Variants in DLG2 observed in about 807,000 individuals in gnomAD.
DLG2 encodes disks large homolog 2.
In DLG2, 45 loss-of-function variants were observed where a neutral mutation model predicts 132.5. The observed-to-expected ratio is 0.34, with a 90% CI of 0.27 to 0.44. The LOEUF (loss-of-function observed/expected upper bound fraction) is 0.44, where lower values mean the gene tolerates loss of function less well. DLG2 is among the 20% of genes least tolerant of loss of function. DLG2 has a pLI of 1.00. For synonymous variants in DLG2, 424 were observed against 419.6 expected (o/e 1.01, Z -0.13); for missense variants, 1,045 against 1,196.9 (o/e 0.87, Z 1.87).
At chr11:84,028,622 TA>T (rs2095605955) in intron 11 of DLG2, among the ~76,000 whole-genome samples, 1 of 152,102 alleles carries the variant, frequency 6.6e-6, no homozygotes, top group Non-Finnish European at 1.5e-5. Flanking sequence ...TGAAGCCATA[TA>T]ATTTAAATGT....
chr11:84,590,764 T>C (rs2099540839), intron 6 of DLG2, among the ~76,000 whole-genome samples: 1 of 152,148 alleles, frequency 6.6e-6, no homozygotes, highest in African/African-American at 2.4e-5. Flanking sequence ...TAGCTGTGAA[T>C]AATGCAGAAG....
intron 18 of DLG2, among the ~76,000 whole-genome samples, chr11:83,713,078 T>C (rs1176302252): frequency 6.6e-6 from 1 of 152,172 alleles, no homozygotes; most frequent in African/African-American, 2.4e-5. Flanking sequence ...ATGAATACAC[T>C]AGGCAGATTA....
intron 9 of DLG2, among the ~76,000 whole-genome samples, chr11:84,116,937 C>T (rs181987776): frequency 5.9e-5 from 9 of 152,272 alleles, no homozygotes; most frequent in East Asian, 3.9e-4. Context: ...TGCTTTCCAA[C>T]GCCTATTTCT....
intron 2 of DLG2, among the ~76,000 whole-genome samples, chr11:85,600,374 C>CTTG (rs2080069093): frequency 6.6e-6 from 1 of 152,198 alleles, no homozygotes; most frequent in African/African-American, 2.4e-5. Context: ...TTGTCACACT[C>CTTG]TTGAAAACAC....
chr11:85,411,716 G>T (rs1280632071), intron 3 of DLG2, among the ~76,000 whole-genome samples: 1 of 151,880 alleles, frequency 6.6e-6, no homozygotes, highest in Admixed American at 6.6e-5. Flanking sequence ...ATTGATGGGA[G>T]TGATAAGCGG....
intron 3 of DLG2, among the ~76,000 whole-genome samples, chr11:85,420,344 A>G (rs2090191635): frequency 6.6e-6 from 1 of 152,016 alleles, no homozygotes; most frequent in African/African-American, 2.4e-5. Flanking sequence ...TGCCAGCCAG[A>G]GTTCTCCTGT....
chr11:85,227,920 C>A (rs1172705533), intron 4 of DLG2, among the ~76,000 whole-genome samples: 1 of 152,058 alleles, frequency 6.6e-6, no homozygotes, highest in Non-Finnish European at 1.5e-5. Flanking sequence ...GGCAACATCA[C>A]ACATGTTGTC....
intron 6 of DLG2, among the ~76,000 whole-genome samples, chr11:84,826,921 G>A (rs2078395093): frequency 4.0e-5 from 6 of 151,742 alleles, no homozygotes; most frequent in Admixed American, 3.9e-4. Context: ...TCTAAGCCTG[G>A]ATGTTCAGTA....
chr11:84,777,488 T>C (rs868811106), intron 6 of DLG2, among the ~76,000 whole-genome samples: 4 of 151,358 alleles, frequency 2.6e-5, no homozygotes, highest in Non-Finnish European at 4.4e-5. Context: ...CTGTATCTAA[T>C]AGTAGCTGTT....
intron 6 of DLG2, among the ~76,000 whole-genome samples, chr11:84,729,450 T>A (rs551202709): frequency 1.5e-3 from 234 of 152,286 alleles, no homozygotes; most frequent in Non-Finnish European, 2.5e-3. Context: ...AGACTGTTTG[T>A]TATGATTTCC....
intron 8 of DLG2, among the ~76,000 whole-genome samples, chr11:84,184,636 G>A (rs1277145950): frequency 6.6e-6 from 1 of 152,194 alleles, no homozygotes; most frequent in Non-Finnish European, 1.5e-5. Flanking sequence ...TAGACAGGAA[G>A]TCCTTGCCCA....
At chr11:84,570,449 CCTCT>C (rs1420350781) in intron 6 of DLG2, among the ~76,000 whole-genome samples, 1 of 152,110 alleles carries the variant, frequency 6.6e-6, no homozygotes, top group Non-Finnish European at 1.5e-5. Flanking sequence ...ATGTGTCTCT[CCTCT>C]CTAAATTGTG....
At chr11:84,802,838 T>C (rs1230761350) in intron 6 of DLG2, among the ~76,000 whole-genome samples, 1 of 152,118 alleles carries the variant, frequency 6.6e-6, no homozygotes, top group African/African-American at 2.4e-5. Flanking sequence ...CCTAGCTGTG[T>C]CACCAGGCTG....
intron 3 of DLG2, among the ~76,000 whole-genome samples, chr11:85,487,523 A>T (rs2093457185): frequency 6.6e-6 from 1 of 151,886 alleles, no homozygotes; most frequent in Non-Finnish European, 1.5e-5. Context: ...AATTAATTGG[A>T]GAAAATACAA....
chr11:84,066,487 C>T (rs773770529), intron 10 of DLG2, among the ~76,000 whole-genome samples: 3 of 152,146 alleles, frequency 2.0e-5, no homozygotes, highest in Admixed American at 6.5e-5. Context: ...GGGCCGGGAG[C>T]GATGGCTTAT....
chr11:85,519,526 T>C (rs998906990), intron 3 of DLG2, among the ~76,000 whole-genome samples: 2 of 152,216 alleles, frequency 1.3e-5, no homozygotes, highest in Non-Finnish European at 2.9e-5. Context: ...GTCTACAAAG[T>C]AACTAGCTTG....
chr11:83,645,784 A>C (rs1469169543), intron 18 of DLG2: 1 of 152,146 alleles, frequency 6.6e-6, no homozygotes, highest in Non-Finnish European at 1.5e-5. Context: ...AAAATTTGGG[A>C]GATGCAGGAT....
chr11:84,043,577 T>G (rs913245685), intron 11 of DLG2, among the ~76,000 whole-genome samples: 1 of 151,786 alleles, frequency 6.6e-6, no homozygotes, highest in East Asian at 1.9e-4. Context: ...GTTGTTTCTC[T>G]GAAAAAGTGA....
chr11:84,171,805 G>C (rs139216096), intron 8 of DLG2, among the ~76,000 whole-genome samples: 36 of 152,228 alleles, frequency 2.4e-4, no homozygotes, highest in African/African-American at 7.7e-4. Context: ...TGCTGAAAAA[G>C]TGAGTCATTC....
Sources: gnomAD v4.1 joint callset for allele counts (sites outside exome capture counted in the v4.1 genomes callset) on GRCh38, gnomAD v4.1.1 for gene constraint, MANE v1.5 for transcripts, NCBI Gene and HGNC (gene_info 2026-07-23, HGNC 2026-07-21) for gene names.